FAT3: variants seen among roughly 807,000 people sequenced by gnomAD.
FAT3 encodes the protein FAT atypical cadherin 3, also known as protocadherin Fat 3.
Under a neutral mutation model 310.2 loss-of-function variants are expected in FAT3, and 95 were observed. The ratio of observed to expected loss-of-function variants is 0.31; its 90% CI spans 0.26 to 0.36. The LOEUF is 0.36. Among genes scored for constraint, FAT3 ranks in the 10% least tolerant of loss-of-function variants. FAT3 has a pLI of 1.00. For synonymous variants in FAT3, 2,314 were observed against 2,192.9 expected, an observed-to-expected ratio of 1.06 and a Z score of -1.54; for missense variants, 5,408 against 5,715.6, an observed-to-expected ratio of 0.95 and a Z score of 1.74.
In FAT3 at chr11:92,232,766, G is replaced by A. The variant is rs1024187408; in HGVS notation, c.-18+7592G>A. Among the ~76,000 whole-genome samples, 97 of 150,210 alleles carry A rather than the reference G, an allele frequency of 6.5e-4. 1 individual carries two copies. The highest frequency in any genetic ancestry group is 5.0e-3 in the Admixed American group (75 of 14,882). ...TTATGAAGCATCACCAAAGCACTAG[G>A]CAAAACTCAGTACCTCTGAAAAACA... On this transcript the variant is annotated intron_variant, in intron 1 of 27. Coordinates refer to ENST00000525166, the MANE Select transcript of FAT3 (RefSeq NM_001367949.2).
At chr11:92,584,669 G>A (rs1448549598) in intron 3 of FAT3, among the ~76,000 whole-genome samples, 1 of 151,984 alleles carries the variant, frequency 6.6e-6, no homozygotes, top group Non-Finnish European at 1.5e-5. Flanking sequence ...ACAAGATGAT[G>A]GAGATGGTAG....
At chr11:92,299,297 T>A (rs1327981364) in intron 1 of FAT3, among the ~76,000 whole-genome samples, 3 of 152,132 alleles carry the variant, frequency 2.0e-5, no homozygotes, top group African/African-American at 4.8e-5. Context: ...TGCTTCCTGA[T>A]GACCTGGAGT....
At position 92,324,657 on chromosome 11, in the gene FAT3, A is replaced by T. The variant is rs148095459; in HGVS notation, c.-17-27439A>T. Among the ~76,000 whole-genome samples the T allele has an allele frequency of 2.8e-3, 420 of 152,314 alleles. 3 individuals are homozygous for T. The highest frequency in any genetic ancestry group is 4.4e-3 in the Admixed American group (68 of 15,298). ...TTGAAATATCATATTCTGAAATGTGACATAGAGACATGATGTGAGAACATG... is the reference window on the plus strand; with the variant it reads ...TTGAAATATCATATTCTGAAATGTGTCATAGAGACATGATGTGAGAACATG... On this transcript the variant is annotated intron_variant, in intron 1 of 27. Coordinates refer to ENST00000525166, the MANE Select transcript of FAT3 (RefSeq NM_001367949.2).
intron 3 of FAT3, among the ~76,000 whole-genome samples, chr11:92,649,509 G>A (rs958316101): frequency 1.3e-5 from 2 of 152,076 alleles, no homozygotes; most frequent in African/African-American, 4.8e-5. Context: ...CTGCTGTTGA[G>A]GACTTGTTCC....
intron 3 of FAT3, among the ~76,000 whole-genome samples, chr11:92,562,533 A>G (rs1955267349): frequency 6.6e-6 from 1 of 152,196 alleles, no homozygotes; most frequent in African/African-American, 2.4e-5. Context: ...TGAATAGTAT[A>G]TATATGAGGA....
intron 3 of FAT3, among the ~76,000 whole-genome samples, chr11:92,638,590 A>G (rs1471858494): frequency 6.6e-6 from 1 of 152,188 alleles, no homozygotes; most frequent in East Asian, 1.9e-4. Context: ...TGGTTCCCCT[A>G]CTTTTTGCTA....
At chr11:92,699,842 A>G (rs906554686) in intron 4 of FAT3, among the ~76,000 whole-genome samples, 2 of 152,206 alleles carry the variant, frequency 1.3e-5, no homozygotes, top group Non-Finnish European at 2.9e-5. Context: ...AAGTGTGGTT[A>G]TCATTGTTGA....
chr11:92,528,680 C>A (rs959369050), intron 3 of FAT3, among the ~76,000 whole-genome samples: 3 of 152,192 alleles, frequency 2.0e-5, no homozygotes, highest in Non-Finnish European at 4.4e-5. Context: ...CCACCGTGCC[C>A]GGCCTCCAGT....
chr11:92,292,583 T>A (rs1254864428), intron 1 of FAT3, among the ~76,000 whole-genome samples: 1 of 152,114 alleles, frequency 6.6e-6, no homozygotes, highest in African/African-American at 2.4e-5. Flanking sequence ...TCCCTGCATA[T>A]TTTTGTGATA....
At chr11:92,811,046 A>G (rs1947657939) in intron 13 of FAT3, among the ~76,000 whole-genome samples, 1 of 152,234 alleles carries the variant, frequency 6.6e-6, no homozygotes, top group Non-Finnish European at 1.5e-5. Context: ...ATTTTCCCTT[A>G]GAGAAATTAG....
At chr11:92,229,493 T>G (rs1390675974) in intron 1 of FAT3, among the ~76,000 whole-genome samples, 7 of 51,496 alleles carry the variant, frequency 1.4e-4, no homozygotes, top group African/African-American at 2.3e-4. Flanking sequence ...TTTTTTCGTG[T>G]TTTTTTTTTT....
chr11:92,886,328 G>GGGGTGT (rs1949795974), intron 24 of FAT3, among the ~76,000 whole-genome samples: 1 of 150,444 alleles, frequency 6.6e-6, no homozygotes, highest in Non-Finnish European at 1.5e-5. Context: ...AAGTAGCCCT[G>GGGGTGT]GTGTGTGTGT....
intron 3 of FAT3, among the ~76,000 whole-genome samples, chr11:92,605,719 G>T (rs1324799683): frequency 6.5e-4 from 65 of 99,730 alleles, no homozygotes; most frequent in South Asian, 2.5e-3. Context: ...AAATAGCTAT[G>T]TTTTTTTTTT....
At chr11:92,566,170 T>A (rs1473167872) in intron 3 of FAT3, among the ~76,000 whole-genome samples, 1 of 152,194 alleles carries the variant, frequency 6.6e-6, no homozygotes, top group Non-Finnish European at 1.5e-5. Flanking sequence ...CTTAAGCTGA[T>A]AAGCAACTTC....
At chr11:92,367,553 C>A (rs1274155893) in intron 2 of FAT3, among the ~76,000 whole-genome samples, 1 of 152,142 alleles carries the variant, frequency 6.6e-6, no homozygotes, top group African/African-American at 2.4e-5. Flanking sequence ...TTCACTTAAG[C>A]CTGGGAAATT....
At chr11:92,810,459 T>C (rs1947638208) in intron 13 of FAT3, among the ~76,000 whole-genome samples, 1 of 152,286 alleles carries the variant, frequency 6.6e-6, no homozygotes, top group South Asian at 2.1e-4. Context: ...CAAGGAGAAT[T>C]TGATTTGTTT....
Position 92,713,948 on chromosome 11 carries a change from G to T in FAT3, c.3669+16503G>T, listed in dbSNP as rs142673426. On this transcript the variant is annotated intron_variant, in intron 4 of 27. Coordinates refer to ENST00000525166, the MANE Select transcript of FAT3 (RefSeq NM_001367949.2). ...GGAGACTTGGTCACATTCATAAATG[G>T]TAACTGTAGAAAACTGACTACCTTC... Among the ~76,000 whole-genome samples the T allele has an allele frequency of 3.5e-4, 54 of 152,230 alleles. 1 individual carries two copies. In the East Asian group the frequency reaches 0.01, roughly 28 times the overall value.
At chr11:92,879,452 G>A (rs148844760) in intron 22 of FAT3, among the ~76,000 whole-genome samples, 15 of 152,272 alleles carry the variant, frequency 9.9e-5, no homozygotes, top group African/African-American at 2.4e-4. Flanking sequence ...CGGAGAGACC[G>A]GGTTGGTGAA....
chr11:92,278,457 G>C (rs1333274206), intron 1 of FAT3, among the ~76,000 whole-genome samples: 1 of 151,932 alleles, frequency 6.6e-6, no homozygotes, highest in East Asian at 1.9e-4. Context: ...GGGCCTCTTT[G>C]GGTTTCCTAA....
Sources: allele counts gnomAD v4.1 joint callset (sites outside exome capture counted in the v4.1 genomes callset), GRCh38; gene constraint gnomAD v4.1.1; transcripts MANE v1.5; gene names NCBI Gene and HGNC (gene_info 2026-07-23, HGNC 2026-07-21).